The following PITPNM2 variants were observed in gnomAD, a reference collection of about 807,000 sequenced individuals.
PITPNM2 encodes the protein phosphatidylinositol transfer protein membrane associated 2.
In PITPNM2, 35 loss-of-function variants were observed where a neutral mutation model predicts 132.2. That is an observed-to-expected ratio of 0.26 (90% CI 0.20 to 0.35). The LOEUF is 0.35. Among genes scored for constraint, PITPNM2 ranks in the 10% least tolerant of loss-of-function variants. PITPNM2 has a pLI of 1.00. For synonymous variants in PITPNM2, 738 were observed against 799.2 expected (o/e 0.92, Z 1.29); for missense variants, 1,332 against 1,912.0 (o/e 0.70, Z 5.66).
At chr12:123,002,870 T>C (rs1046065344) in intron 8 of PITPNM2, among the ~76,000 whole-genome samples, 3 of 152,192 alleles carry the variant, frequency 2.0e-5, no homozygotes, top group Non-Finnish European at 2.9e-5. Context: ...CACCTTCCAG[T>C]GATTTGAAAC....
rs1437881416 is a variant in PITPNM2, at chr12:123,000,879, T to C, written c.1154-31A>G. The C allele has an allele frequency of 1.9e-6, 3 of 1,613,522 alleles. No individual in the cohort carries two copies. Among genetic ancestry groups the C allele is most frequent in the Non-Finnish European group, 2.5e-6 (3 of 1,179,672 alleles). On this transcript the variant is annotated intron_variant, in intron 9 of 25. Coordinates refer to ENST00000320201, the MANE Select transcript of PITPNM2 (RefSeq NM_020845.3). This position sits in a 1 kb window ranked among gnomAD's most constrained non-coding sequence, Gnocchi z 5.4. ...AAGACACAGAAGCCGTGCTGTGAGC[T>C]GAGGGGCAGCCCAACCTGGCCGACC...
In PITPNM2 at chr12:123,009,844, G is replaced by A; in HGVS notation, c.643+6C>T. ...GCCACTGCCCACCTGGCATGGGTGT[G>A]CTCACCGGTGTCGTGGATGAACCTC... On this transcript the variant is annotated splice_donor_region_variant and intron_variant, in intron 6 of 25. Transcript: ENST00000320201. This position sits in a 1 kb window ranked among gnomAD's most constrained non-coding sequence, Gnocchi z 4.8. The A allele has an allele frequency of 6.2e-7, 1 of 1,613,640 alleles. No individual in the cohort carries two copies. Among genetic ancestry groups the A allele is most frequent in the Non-Finnish European group, 8.5e-7 (1 of 1,179,558 alleles).
At chr12:123,091,379 A>C (rs955317787) in intron 2 of PITPNM2, 5 of 152,284 alleles carry the variant, frequency 3.3e-5, no homozygotes, top group African/African-American at 1.2e-4. Flanking sequence ...GCAGGAAAAC[A>C]TGACTGAGGC....
rs1270095054 is a variant in PITPNM2 at position 123,008,281 on chromosome 12, A to T, written c.643+1569T>A. Reference sequence around the variant, plus strand: ...TAGGGAGAGCCAAGCAGACCCACAGAGCCAGAGTGCCAGGAGCTGCAGCCT... The same window carrying T: ...TAGGGAGAGCCAAGCAGACCCACAGTGCCAGAGTGCCAGGAGCTGCAGCCT... On this transcript the variant is annotated intron_variant, in intron 6 of 25. Transcript: ENST00000320201. The surrounding 1 kb of genome is among the most constrained non-coding windows in gnomAD (Gnocchi z 4.1). Among the ~76,000 whole-genome samples the T allele has an allele frequency of 1.3e-5, 2 of 152,190 alleles. No individual in the cohort carries two copies. Among genetic ancestry groups the T allele is most frequent in the Non-Finnish European group, 2.9e-5 (2 of 68,040 alleles).
chr12:123,097,820 C>T lies in PITPNM2; in HGVS notation c.-96+12565G>A, dbSNP rs547574947. On this transcript the variant is annotated intron_variant, in intron 2 of 25. Coordinates refer to ENST00000320201, the MANE Select transcript of PITPNM2 (RefSeq NM_020845.3). This position sits in a 1 kb window ranked among gnomAD's most constrained non-coding sequence, Gnocchi z 4.7. ...CCCAGCTCCTGGGCTGACCTCGCCC[C>T]TACATCTGCCACTTGGCAGTGGGTA... Among the ~76,000 whole-genome samples the T allele has an allele frequency of 9.2e-5, 14 of 152,386 alleles. No homozygotes were observed. Among genetic ancestry groups the T allele is most frequent in the African/African-American group, 3.4e-4 (14 of 41,600 alleles).
intron 3 of PITPNM2, among the ~76,000 whole-genome samples, chr12:123,032,109 G>A (rs1200357755): frequency 6.6e-6 from 1 of 152,250 alleles, no homozygotes; most frequent in African/African-American, 2.4e-5. Flanking sequence ...CTGCAGGAAG[G>A]TCTGAGCGTC....
intron 1 of PITPNM2, among the ~76,000 whole-genome samples, chr12:123,119,572 A>G (rs1477239953): frequency 3.3e-5 from 5 of 151,778 alleles, no homozygotes; most frequent in African/African-American, 4.8e-5. Flanking sequence ...GTTGGCCAGG[A>G]TGGTCTTGAT....
At chr12:123,029,117 G>A (rs920674207) in intron 3 of PITPNM2, among the ~76,000 whole-genome samples, 3 of 152,090 alleles carry the variant, frequency 2.0e-5, no homozygotes, top group African/African-American at 7.2e-5. Context: ...GGTCCTCTCC[G>A]CCTGCCAGGG....
At chr12:123,115,539 C>CGCACACACACACGCGCG (rs2042920182) in intron 1 of PITPNM2, among the ~76,000 whole-genome samples, 1 of 151,934 alleles carries the variant, frequency 6.6e-6, no homozygotes, top group Non-Finnish European at 1.5e-5. Flanking sequence ...CAATACGCGC[C>CGCACACACACACGCGCG]CGCACACACA....
At chr12:123,087,505 G>A (rs1296394422) in intron 2 of PITPNM2, 1 of 152,142 alleles carries the variant, frequency 6.6e-6, no homozygotes, top group African/African-American at 2.4e-5. Context: ...CCAAAGTGCT[G>A]GGATTATAGG....
At chr12:123,052,087 T>G (rs1399451773) in intron 2 of PITPNM2, among the ~76,000 whole-genome samples, 2 of 148,172 alleles carry the variant, frequency 1.3e-5, no homozygotes, top group African/African-American at 2.5e-5. Flanking sequence ...GTTTTTTTTT[T>G]TTTTTTTTTT....
rs1205776411 is a variant in PITPNM2, at chr12:123,008,531, C to A, written c.643+1319G>T. Among the ~76,000 whole-genome samples the A allele has an allele frequency of 6.6e-6, 1 of 152,196 alleles. No homozygotes were observed. ...AACCACCATTCCCATTTTGAGGCTT[C>A]AGCACTGGGGTTGCAGGTCCCAGTC... On this transcript the variant is annotated intron_variant, in intron 6 of 25. Coordinates refer to ENST00000320201, the MANE Select transcript of PITPNM2 (RefSeq NM_020845.3). The surrounding 1 kb of genome is among the most constrained non-coding windows in gnomAD (Gnocchi z 4.1).
intron 2 of PITPNM2, among the ~76,000 whole-genome samples, chr12:123,061,709 C>A (rs1009092410): frequency 6.6e-6 from 1 of 152,210 alleles, no homozygotes; most frequent in Non-Finnish European, 1.5e-5. Context: ...AAGCCTGGGG[C>A]TTTCAGGCCC....
At chr12:123,112,337 G>T (rs921844633) in intron 1 of PITPNM2, among the ~76,000 whole-genome samples, 7 of 152,030 alleles carry the variant, frequency 4.6e-5, no homozygotes, top group Non-Finnish European at 1.0e-4. Flanking sequence ...TCTGTCCACT[G>T]CCCTAAGGGG....
At position 122,994,731 on chromosome 12, in the gene PITPNM2, G is replaced by A; in HGVS notation, c.2233+70C>T. The A allele has an allele frequency of 6.7e-7, 1 of 1,483,242 alleles. No individual in the cohort carries two copies. Among genetic ancestry groups the A allele is most frequent in the African/African-American group, 1.4e-5 (1 of 72,216 alleles). The allele number at this position is 1,483,242 out of a possible 1,614,324, so 91.9% of individuals were successfully genotyped here. ...GGACGTGGCCATGATCTCATCACAG[G>A]GGTCCACTGAGACCCCCGCCCCCGC... On this transcript the variant is annotated intron_variant, in intron 15 of 25. Transcript: ENST00000320201. The surrounding 1 kb of genome is among the most constrained non-coding windows in gnomAD (Gnocchi z 5.4).
chr12:123,147,716 T>C lies in PITPNM2; in HGVS notation c.-200+3037A>G, dbSNP rs547251152. Among the ~76,000 whole-genome samples, 8 of 152,024 alleles carry C rather than the reference T, an allele frequency of 5.3e-5. No homozygotes were observed. In the East Asian group the frequency reaches 1.5e-3, roughly 29 times the overall value. ...GAAACATAATCAGTTGGAAAGACAG[T>C]GTGGTATAGAAAGAGCCACACATAG... On this transcript the variant is annotated intron_variant, in intron 1 of 25. Coordinates refer to ENST00000320201, the MANE Select transcript of PITPNM2 (RefSeq NM_020845.3).
chr12:123,041,727 C>T (rs2040483709), intron 2 of PITPNM2, among the ~76,000 whole-genome samples: 1 of 151,872 alleles, frequency 6.6e-6, no homozygotes, highest in Admixed American at 6.6e-5. Flanking sequence ...GGGCCTGGCA[C>T]AGACAGAGAA....
chr12:123,104,303 C>T (rs905949492), intron 2 of PITPNM2, among the ~76,000 whole-genome samples: 2 of 152,240 alleles, frequency 1.3e-5, no homozygotes, highest in Admixed American at 6.5e-5. Flanking sequence ...CTCTCCCTGT[C>T]AGGCCTCTGA....
rs995937065 is a variant in PITPNM2 at position 123,111,575 on chromosome 12, A to G, written c.-199-1087T>C. 3.9e-5 allele frequency among the ~76,000 whole-genome samples: 6 copies of G among 152,218 alleles called. No homozygotes were observed. The highest frequency in any genetic ancestry group is 1.4e-4 in the African/African-American group (6 of 41,462). On this transcript the variant is annotated intron_variant, in intron 1 of 25. Transcript: ENST00000320201. This position sits in a 1 kb window ranked among gnomAD's most constrained non-coding sequence, Gnocchi z 4.1. ...TGGGGAGGTGTGAAGATAGCTAGCA[A>G]TACACAGCAGTGGGAGGTGTGGCTG... is the stretch of plus-strand genomic sequence containing the variant.
Sources: gnomAD v4.1 joint callset for allele counts (sites outside exome capture counted in the v4.1 genomes callset) on GRCh38, gnomAD v4.1.1 for gene constraint, Gnocchi (gnomAD v3.1) non-coding constraint, MANE v1.5 for transcripts, NCBI Gene and HGNC (gene_info 2026-07-23, HGNC 2026-07-21) for gene names.